ZHX3: variants seen among roughly 807,000 people sequenced by gnomAD.
ZHX3 encodes zinc fingers and homeoboxes 3, also known as zinc fingers and homeoboxes protein 3.
In ZHX3, 20 loss-of-function variants were observed where a neutral mutation model predicts 64.5. The observed-to-expected ratio is 0.31, with a 90% CI of 0.22 to 0.45. The LOEUF (loss-of-function observed/expected upper bound fraction) is 0.45, where lower values mean the gene tolerates loss of function less well. Ranked by LOEUF, ZHX3 falls within the 20% of genes least tolerant of loss-of-function variation. ZHX3 has a pLI of 1.00. For synonymous variants in ZHX3, 423 were observed against 461.6 expected (o/e 0.92, Z 1.07); for missense variants, 1,041 against 1,195.8 (o/e 0.87, Z 1.91).
chr20:41,291,076 G>C (rs2044214393), intron 1 of ZHX3, among the ~76,000 whole-genome samples: 1 of 152,152 alleles, frequency 6.6e-6, no homozygotes, highest in Non-Finnish European at 1.5e-5. Context: ...AAAGTAATTG[G>C]GGAAGTTAAA....
chr20:41,308,504 T>C (rs536711415), intron 1 of ZHX3, among the ~76,000 whole-genome samples: 1 of 152,350 alleles, frequency 6.6e-6, no homozygotes, highest in Non-Finnish European at 1.5e-5. Flanking sequence ...ACTTCAACAG[T>C]GCTGACAACA....
At chr20:41,225,062 A>C (rs2040174786) in intron 2 of ZHX3, among the ~76,000 whole-genome samples, 1 of 152,234 alleles carries the variant, frequency 6.6e-6, no homozygotes, top group Non-Finnish European at 1.5e-5. Flanking sequence ...CAGTGAGTGA[A>C]TGGGTGAATA....
At chr20:41,313,021 A>G (rs2146845699) in intron 1 of ZHX3, among the ~76,000 whole-genome samples, 1 of 152,262 alleles carries the variant, frequency 6.6e-6, no homozygotes, top group Non-Finnish European at 1.5e-5. Flanking sequence ...AGGAAGATGG[A>G]AAAAAGGGAG....
intron 1 of ZHX3, among the ~76,000 whole-genome samples, chr20:41,270,582 A>AG (rs2043092670): frequency 6.6e-6 from 1 of 151,926 alleles, no homozygotes; most frequent in Non-Finnish European, 1.5e-5. Flanking sequence ...AGGCTGAGGC[A>AG]GGAGAATAGC....
At chr20:41,316,487 TAAC>T (rs2045290430) in intron 1 of ZHX3, among the ~76,000 whole-genome samples, 1 of 152,208 alleles carries the variant, frequency 6.6e-6, no homozygotes, top group East Asian at 1.9e-4. Context: ...AGCATTGAGA[TAAC>T]AACACACAAG....
intron 2 of ZHX3, among the ~76,000 whole-genome samples, chr20:41,248,381 A>G (rs1353306152): frequency 6.6e-6 from 1 of 151,952 alleles, no homozygotes; most frequent in Non-Finnish European, 1.5e-5. Context: ...GTATAACAAC[A>G]CTCAGCTTTG....
intron 2 of ZHX3, among the ~76,000 whole-genome samples, chr20:41,229,376 T>C (rs1175288718): frequency 6.6e-6 from 1 of 152,158 alleles, no homozygotes; most frequent in African/African-American, 2.4e-5. Context: ...GGACATACAA[T>C]CTCTTTGAGT....
Position 41,205,075 on chromosome 20 carries a change from A to G in ZHX3, c.-150-9T>C. 1 of 1,251,714 alleles carries G rather than the reference A, an allele frequency of 8.0e-7. No homozygotes were observed. Among genetic ancestry groups the G allele is most frequent in the Admixed American group, 3.6e-5 (1 of 27,818 alleles). The allele number at this position is 1,251,714 out of a possible 1,614,324, so 77.5% of individuals were successfully genotyped here. On this transcript the variant is annotated splice_polypyrimidine_tract_variant and intron_variant, in intron 2 of 3. Coordinates refer to ENST00000683867, the MANE Select transcript of ZHX3 (RefSeq NM_001384317.1). ...GGTTTTCCCTATTCAATCTAAGGAA[A>G]GGGAGAAAAAAATGATTAAGTTCTC...
chr20:41,185,196 C>T lies in ZHX3; in HGVS notation c.2866G>A (p.Asp956Asn). Reference protein sequence around the residue: ...SPQAGRQLETD With the variant: ...SPQAGRQLETN ...TCACATTAATCAGATCAAATTCAGT[C>T]TGTTTCTGAGAAGAAAACACATGCC... Residue 956 changes from aspartate (D) to asparagine (N), a missense_variant, in exon 4 of 4, where the codon GAC becomes AAC. Transcript: ENST00000683867. This position sits in a 1 kb window ranked among gnomAD's most constrained non-coding sequence, Gnocchi z 5.0. 6.2e-7 allele frequency: 1 copy of T among 1,608,710 alleles called. No individual in the cohort carries two copies. Among genetic ancestry groups the T allele is most frequent in the Non-Finnish European group, 8.5e-7 (1 of 1,177,092 alleles).
chr20:41,209,328 G>A (rs1218799750), intron 2 of ZHX3, among the ~76,000 whole-genome samples: 1 of 152,026 alleles, frequency 6.6e-6, no homozygotes, highest in African/African-American at 2.4e-5. Flanking sequence ...TCACAGAATT[G>A]GAAAAAACTA....
chr20:41,234,438 C>A (rs751986256), intron 2 of ZHX3, among the ~76,000 whole-genome samples: 1 of 152,192 alleles, frequency 6.6e-6, no homozygotes, highest in East Asian at 1.9e-4. Context: ...ATCCTCCTTA[C>A]CTTGGTTCAT....
intron 1 of ZHX3, among the ~76,000 whole-genome samples, chr20:41,298,776 C>T (rs2044663156): frequency 6.6e-6 from 1 of 152,082 alleles, no homozygotes; most frequent in Admixed American, 6.5e-5. Context: ...TCTGAAGAAA[C>T]CAGGGATCCA....
At chr20:41,282,224 G>A (rs1264513715) in intron 1 of ZHX3, among the ~76,000 whole-genome samples, 1 of 152,122 alleles carries the variant, frequency 6.6e-6, no homozygotes, top group African/African-American at 2.4e-5. Flanking sequence ...AGATCCTGTG[G>A]TATGCTGCAA....
At chr20:41,194,908 CCT>C (rs1321112834) in intron 3 of ZHX3, among the ~76,000 whole-genome samples, 3 of 151,884 alleles carry the variant, frequency 2.0e-5, no homozygotes, top group Non-Finnish European at 4.4e-5. Flanking sequence ...TGTAACATCC[CCT>C]CTTTCCTTTC....
rs1232623652 is a variant in ZHX3 at position 41,201,837 on chromosome 20, TA to T, written c.2860+219del. Among the ~76,000 whole-genome samples, 2 of 152,154 alleles carry T rather than the reference TA, an allele frequency of 1.3e-5. No homozygotes were observed. Among genetic ancestry groups the T allele is most frequent in the Non-Finnish European group, 2.9e-5 (2 of 68,020 alleles). On this transcript the variant is annotated intron_variant, in intron 3 of 3. Coordinates refer to ENST00000683867, the MANE Select transcript of ZHX3 (RefSeq NM_001384317.1). The surrounding 1 kb of genome is among the most constrained non-coding windows in gnomAD (Gnocchi z 5.0). ...ATGTTCCTTCCCCTGCGCAGGTTTT[TA>T]AAAACACATGAAACAAAAAACAGCT...
chr20:41,277,929 G>T (rs1440662109), intron 1 of ZHX3, among the ~76,000 whole-genome samples: 1 of 135,522 alleles, frequency 7.4e-6, no homozygotes, highest in African/African-American at 2.9e-5. Flanking sequence ...TTTAAATGCA[G>T]AAAGTATAGT....
rs772725493 is a variant in ZHX3 at position 41,202,082 on chromosome 20, C to T, written c.2835G>A (p.Ser945=). Residue 945 remains serine, a synonymous_variant, in exon 3 of 4, where the codon TCG becomes TCA. Coordinates refer to ENST00000683867, the MANE Select transcript of ZHX3 (RefSeq NM_001384317.1). The surrounding 1 kb of genome is among the most constrained non-coding windows in gnomAD (Gnocchi z 7.0). ...PEASSEPFDT[S]SPQAGRQLET... is the part of the protein sequence containing the mutation. ...CGAGCTGACGTCCAGCCTGGGGACT[C>T]GATGTGTCAAAGGGCTCTGAGCTGG... 29 of 1,606,216 alleles carry T rather than the reference C, an allele frequency of 1.8e-5. No homozygotes were observed. The highest frequency in any genetic ancestry group is 5.6e-5 in the South Asian group (5 of 89,958).
chr20:41,276,162 T>C (rs979087926), intron 1 of ZHX3, among the ~76,000 whole-genome samples: 8 of 152,170 alleles, frequency 5.3e-5, no homozygotes, highest in Admixed American at 5.2e-4. Context: ...GCTCAATACC[T>C]GAATGTATGA....
chr20:41,247,132 C>A (rs985640608), intron 2 of ZHX3, among the ~76,000 whole-genome samples: 3 of 151,912 alleles, frequency 2.0e-5, no homozygotes, highest in Non-Finnish European at 1.5e-5. Context: ...TTGTGGCGTG[C>A]GCCTCATGCC....
Sources: allele counts gnomAD v4.1 joint callset (sites outside exome capture counted in the v4.1 genomes callset), GRCh38; gene constraint gnomAD v4.1.1; non-coding constraint Gnocchi (gnomAD v3.1); transcripts MANE v1.5; gene names NCBI Gene and HGNC (gene_info 2026-07-23, HGNC 2026-07-21).